The following NR6A1 variants were observed in gnomAD, a reference collection of about 807,000 sequenced individuals.
NR6A1 encodes retinoic acid receptor-related testis-associated receptor.
NR6A1 carries 7 observed loss-of-function variants against 59.1 expected under a neutral mutation model. The observed-to-expected ratio is 0.12, with a 90% CI of 0.07 to 0.22. NR6A1 has a LOEUF of 0.22. NR6A1 is among the 10% of genes least tolerant of loss of function. The pLI is 1.00. For synonymous variants in NR6A1, 243 were observed against 236.1 expected (o/e 1.03, Z -0.27); for missense variants, 468 against 611.6 (o/e 0.77, Z 2.48).
At chr9:124,525,886 G>A (rs1187384103) in intron 8 of NR6A1, among the ~76,000 whole-genome samples, 1 of 152,168 alleles carries the variant, frequency 6.6e-6, no homozygotes, top group African/African-American at 2.4e-5. Flanking sequence ...TATACTTCTT[G>A]AGACCAGAGA....
At chr9:124,538,422 T>G in intron 5 of NR6A1, 103 bp from the exon 6 acceptor site, 1 of 800,150 alleles carries the variant, frequency 1.2e-6, no homozygotes, top group Non-Finnish European at 2.1e-6. Context: ...GAACATGAGG[T>G]ATGTGTCTTC....
chr9:124,728,480 GA>G (rs1014047197), intron 2 of NR6A1, among the ~76,000 whole-genome samples: 3 of 151,690 alleles, frequency 2.0e-5, no homozygotes, highest in Admixed American at 1.3e-4. Flanking sequence ...CTAAAAAACA[GA>G]AAAATTAGCT....
chr9:124,546,574 C>T (rs1161849664), intron 3 of NR6A1, among the ~76,000 whole-genome samples: 1 of 152,126 alleles, frequency 6.6e-6, no homozygotes, highest in Non-Finnish European at 1.5e-5. Flanking sequence ...TTTCTGTAAG[C>T]TTGAAATTAC....
chr9:124,572,239 A>C (rs1311710738), intron 2 of NR6A1, among the ~76,000 whole-genome samples: 1 of 152,238 alleles, frequency 6.6e-6, no homozygotes, highest in Non-Finnish European at 1.5e-5. Context: ...AAACTTTAAA[A>C]ATCAAAATAC....
At chr9:124,537,575 G>C (rs953867392) in intron 6 of NR6A1, among the ~76,000 whole-genome samples, 1 of 152,088 alleles carries the variant, frequency 6.6e-6, no homozygotes, top group African/African-American at 2.4e-5. Context: ...GGGTAGGCCC[G>C]AAGGCTGAAC....
At chr9:124,742,624 C>A (rs368789099) in intron 1 of NR6A1, among the ~76,000 whole-genome samples, 1 of 152,018 alleles carries the variant, frequency 6.6e-6, no homozygotes, top group African/African-American at 2.4e-5. Flanking sequence ...CGCCTGTAAT[C>A]CCAGCATTTT....
rs560616505 is a variant in NR6A1 at position 124,680,034 on chromosome 9, T to C, written c.142+53274A>G. ...TATCTCAAAAGGAAATTATGAGTTATACATTATATGTAATTATACATACAG... is the reference window on the plus strand; with the variant it reads ...TATCTCAAAAGGAAATTATGAGTTACACATTATATGTAATTATACATACAG... On this transcript the variant is annotated intron_variant, in intron 2 of 9. Coordinates refer to ENST00000487099, the MANE Select transcript of NR6A1 (RefSeq NM_033334.4). Among the ~76,000 whole-genome samples the C allele has an allele frequency of 6.1e-4, 93 of 152,286 alleles. 1 individual carries two copies. The South Asian group carries it at 0.018, about 30-fold the overall frequency.
At chr9:124,671,441 T>C (rs1837792816) in intron 2 of NR6A1, among the ~76,000 whole-genome samples, 1 of 152,214 alleles carries the variant, frequency 6.6e-6, no homozygotes, top group African/African-American at 2.4e-5. Context: ...AATATCTTAC[T>C]GTATTACTTT....
At chr9:124,730,661 T>A (rs1320838619) in intron 2 of NR6A1, among the ~76,000 whole-genome samples, 2 of 151,252 alleles carry the variant, frequency 1.3e-5, no homozygotes, top group Non-Finnish European at 2.9e-5. Context: ...AATTGCCATA[T>A]CTAGCTAGGA....
At chr9:124,577,385 G>A (rs370452036) in intron 2 of NR6A1, among the ~76,000 whole-genome samples, 19 of 152,294 alleles carry the variant, frequency 1.2e-4, no homozygotes, top group African/African-American at 4.1e-4. Context: ...TACTGAATTA[G>A]TAGTTGATTT....
chr9:124,521,408 A>C lies in NR6A1; in HGVS notation c.*1297T>G, dbSNP rs570603758. On this transcript the variant is annotated 3_prime_UTR_variant, in exon 10 of 10. Coordinates refer to ENST00000487099, the MANE Select transcript of NR6A1 (RefSeq NM_033334.4). The stretch of plus-strand genomic sequence containing the variant: ...CCAGCCCTCCAGGCCTTGGCTGGCC[A>C]GTCCACTGCTGAAGTAAGGGGCAGC... 2.6e-5 allele frequency: 4 copies of C among 152,440 alleles called. No individual in the cohort carries two copies. Among genetic ancestry groups the C allele is most frequent in the South Asian group, 2.1e-4 (1 of 4,828 alleles). 9.4% of individuals were successfully genotyped at this position (152,440 alleles called of 1,614,324 possible). A position where few individuals can be genotyped will look rare whatever the true frequency, so the allele number is the denominator to read the frequency against.
At chr9:124,526,366 C>G (rs550393702) in intron 8 of NR6A1, among the ~76,000 whole-genome samples, 2 of 152,108 alleles carry the variant, frequency 1.3e-5, no homozygotes, top group African/African-American at 4.8e-5. Flanking sequence ...CCACTGCCAG[C>G]CTGTCACAGA....
At chr9:124,545,553 T>C (rs1833571930) in intron 3 of NR6A1, among the ~76,000 whole-genome samples, 1 of 152,220 alleles carries the variant, frequency 6.6e-6, no homozygotes, top group African/African-American at 2.4e-5. Flanking sequence ...CTAAAATCTT[T>C]ACAATCGCTT....
chr9:124,666,706 A>G (rs1564226822), intron 2 of NR6A1, among the ~76,000 whole-genome samples: 1 of 152,196 alleles, frequency 6.6e-6, no homozygotes, highest in Non-Finnish European at 1.5e-5. Flanking sequence ...TTAATCATTC[A>G]AAGGATATCT....
chr9:124,704,229 C>G (rs1020403621), intron 2 of NR6A1, among the ~76,000 whole-genome samples: 19 of 152,112 alleles, frequency 1.2e-4, no homozygotes, highest in Admixed American at 1.2e-3. Context: ...TCATTCCTGA[C>G]TTTGGTAATT....
chr9:124,693,847 C>G (rs1838652557), intron 2 of NR6A1: 1 of 516,278 alleles, frequency 1.9e-6, no homozygotes, highest in African/African-American at 1.9e-5. Flanking sequence ...AGTGCAGCAG[C>G]TACTGCTGTG....
At chr9:124,631,383 C>A (rs1043532166) in intron 2 of NR6A1, among the ~76,000 whole-genome samples, 3 of 152,252 alleles carry the variant, frequency 2.0e-5, no homozygotes, top group African/African-American at 7.2e-5. Context: ...AAATGATTTT[C>A]TTTTTAATCT....
At chr9:124,646,934 A>G (rs1836945386) in intron 2 of NR6A1, among the ~76,000 whole-genome samples, 2 of 152,226 alleles carry the variant, frequency 1.3e-5, no homozygotes, top group Admixed American at 1.3e-4. Context: ...ATTTTTTAAC[A>G]GATAGAATCT....
Position 124,766,822 on chromosome 9 carries a change from G to A in NR6A1, c.100+4198C>T, listed in dbSNP as rs143411429. ...CTGGCTTTATGCAATTCTTAAGCTA[G>A]AAGTTGCCATCTGAACACAATTCAT... On this transcript the variant is annotated intron_variant, in intron 1 of 9. Coordinates refer to ENST00000487099, the MANE Select transcript of NR6A1 (RefSeq NM_033334.4). 8.7e-4 allele frequency among the ~76,000 whole-genome samples: 133 copies of A among 152,312 alleles called. 3 individuals are homozygous for A. In the East Asian group the frequency reaches 0.025, roughly 29 times the overall value.
Sources: gnomAD v4.1 joint callset for allele counts (sites outside exome capture counted in the v4.1 genomes callset) on GRCh38, gnomAD v4.1.1 for gene constraint, MANE v1.5 for transcripts, NCBI Gene and HGNC (gene_info 2026-07-23, HGNC 2026-07-21) for gene names.